The following TLL1 variants were observed in gnomAD, a reference collection of about 807,000 sequenced individuals.
TLL1 encodes the protein tolloid like 1.
TLL1 carries 49 observed loss-of-function variants against 128.2 expected under a neutral mutation model. The ratio of observed to expected loss-of-function variants is 0.38; its 90% CI spans 0.30 to 0.48. The LOEUF (loss-of-function observed/expected upper bound fraction) is 0.48. TLL1 is among the 20% of genes least tolerant of loss of function. TLL1 has a pLI of 0.96. For synonymous variants in TLL1, 454 were observed against 418.8 expected (o/e 1.08, Z -1.03); for missense variants, 1,123 against 1,242.0 (o/e 0.90, Z 1.44).
At chr4:165,972,535 C>T (rs1026157648) in intron 1 of TLL1, among the ~76,000 whole-genome samples, 1 of 152,150 alleles carries the variant, frequency 6.6e-6, no homozygotes, top group Non-Finnish European at 1.5e-5. Context: ...CACATTCTAT[C>T]TTCTGATCAT....
At position 166,008,024 on chromosome 4, in the gene TLL1, A is replaced by C. The variant is rs749618680; in HGVS notation, c.893A>C (p.His298Pro). 1 of 1,609,598 alleles carries C rather than the reference A, an allele frequency of 6.2e-7. No individual in the cohort carries two copies. Among genetic ancestry groups the C allele is most frequent in the Non-Finnish European group, 8.5e-7 (1 of 1,176,704 alleles). Residue 298 changes from histidine (H) to proline (P), a missense_variant, in exon 7 of 21, where the codon CAC becomes CCC. Physicochemically the swap from His to Pro is moderately conservative, Grantham distance 77. Around this residue, in one of 3 missense-constraint regions of TLL1, gnomAD observed 480 missense variants for 542.4 expected, o/e 0.89. Coordinates refer to ENST00000061240, the MANE Select transcript of TLL1 (RefSeq NM_012464.5). ...GERYDFDSIM[H>P]YARNTFSRGM... is the part of the protein sequence containing the mutation. ...AGATATGATTTCGACAGTATCATGC[A>C]CTATGCCAGGAACACCTTCTCAAGG... is the stretch of plus-strand genomic sequence containing the variant.
intron 1 of TLL1, among the ~76,000 whole-genome samples, chr4:165,954,333 G>A (rs1362134222): frequency 6.6e-6 from 1 of 152,092 alleles, no homozygotes; most frequent in East Asian, 1.9e-4. Flanking sequence ...GAATAAGTAG[G>A]TTCTCCAAAA....
intron 1 of TLL1, among the ~76,000 whole-genome samples, chr4:165,943,667 G>A (rs537481816): frequency 1.3e-4 from 19 of 151,224 alleles, no homozygotes; most frequent in Non-Finnish European, 2.4e-4. Flanking sequence ...TTTGGAAAAT[G>A]TGAAGCAAAA....
At chr4:165,972,507 G>T (rs561117069) in intron 1 of TLL1, among the ~76,000 whole-genome samples, 4 of 152,188 alleles carry the variant, frequency 2.6e-5, no homozygotes, top group African/African-American at 9.6e-5. Flanking sequence ...GATGGTAGGT[G>T]GTGGGGTGGG....
At chr4:165,971,837 G>A (rs1398648790) in intron 1 of TLL1, among the ~76,000 whole-genome samples, 2 of 152,102 alleles carry the variant, frequency 1.3e-5, no homozygotes, top group Non-Finnish European at 2.9e-5. Flanking sequence ...CTTTTTGGAG[G>A]GGCTTGCCAC....
At chr4:166,042,798 C>CTAGT (rs1208610567) in intron 11 of TLL1, among the ~76,000 whole-genome samples, 1 of 152,128 alleles carries the variant, frequency 6.6e-6, no homozygotes, top group African/African-American at 2.4e-5. Flanking sequence ...TAAGGATTAA[C>CTAGT]TGCCTAGTAG....
chr4:166,003,513 A>G lies in TLL1; in HGVS notation c.755A>G (p.His252Arg). Residue 252 changes from histidine to arginine, a missense_variant, in exon 6 of 21, where the codon CAC (histidine) becomes CGC (arginine). Physicochemically the swap from His to Arg is conservative, Grantham distance 29 (BLOSUM62 0). Transcript: ENST00000061240. ...LGHVIGFWHE[H>R]TRPDRDNHVT... Reference sequence around the variant, plus strand: ...CATGTGATAGGCTTTTGGCATGAACACACAAGACCAGATCGAGATAACCAC... The same window carrying G: ...CATGTGATAGGCTTTTGGCATGAACGCACAAGACCAGATCGAGATAACCAC... 6.2e-7 allele frequency: 1 copy of G among 1,614,094 alleles called. No individual in the cohort carries two copies. The highest frequency in any genetic ancestry group is 8.5e-7 in the Non-Finnish European group (1 of 1,179,976).
intron 14 of TLL1, 140 bp downstream of exon 14, chr4:166,057,449 T>A (rs1740076728): frequency 1.0e-5 from 13 of 1,287,516 alleles, no homozygotes; most frequent in Non-Finnish European, 1.1e-5. Flanking sequence ...CAATTCACAG[T>A]CACAGCTGAT....
Position 166,065,792 on chromosome 4 carries a change from A to C in TLL1, c.2117A>C (p.Asn706Thr). Residue 706 changes from asparagine to threonine, a missense_variant, in exon 16 of 21, where the codon AAC becomes ACC. Coordinates refer to ENST00000061240, the MANE Select transcript of TLL1 (RefSeq NM_012464.5). The part of the protein sequence containing the change: ...EVPEVITSQF[N>T]NMRIEFKSDN... ...CCTGAAGTGATCACATCCCAGTTCAACAATATGAGAATTGAATTCAAATCT... is the reference window on the plus strand; with the variant it reads ...CCTGAAGTGATCACATCCCAGTTCACCAATATGAGAATTGAATTCAAATCT... 1 of 1,613,086 alleles carries C rather than the reference A, an allele frequency of 6.2e-7. No individual in the cohort carries two copies. The highest frequency in any genetic ancestry group is 8.5e-7 in the Non-Finnish European group (1 of 1,179,336).
intron 1 of TLL1, among the ~76,000 whole-genome samples, chr4:165,926,574 C>A (rs1733279806): frequency 6.6e-6 from 1 of 152,116 alleles, no homozygotes; most frequent in African/African-American, 2.4e-5. Context: ...GTCTTAAGTA[C>A]ATTTTGGGTC....
intron 1 of TLL1, among the ~76,000 whole-genome samples, chr4:165,913,235 T>C (rs934734464): frequency 6.6e-6 from 1 of 152,224 alleles, no homozygotes; most frequent in Non-Finnish European, 1.5e-5. Context: ...CAATGAATCT[T>C]TAATACATGT....
intron 1 of TLL1, among the ~76,000 whole-genome samples, chr4:165,929,225 C>T (rs2110902038): frequency 6.6e-6 from 1 of 152,266 alleles, no homozygotes; most frequent in Non-Finnish European, 1.5e-5. Context: ...TGAAAGTCAG[C>T]TTAGAGAATG....
At chr4:166,064,302 T>C (rs1356716147) in intron 15 of TLL1, among the ~76,000 whole-genome samples, 1 of 152,136 alleles carries the variant, frequency 6.6e-6, no homozygotes, top group Non-Finnish European at 1.5e-5. Context: ...ACTCCCATAG[T>C]TTTCCCTTAA....
chr4:165,904,564 C>T (rs1732161092), intron 1 of TLL1, among the ~76,000 whole-genome samples: 1 of 152,114 alleles, frequency 6.6e-6, no homozygotes, highest in African/African-American at 2.4e-5. Context: ...TTAGATAATT[C>T]TATGATAAAT....
chr4:165,969,895 A>G (rs866394957), intron 1 of TLL1, among the ~76,000 whole-genome samples: 1 of 152,154 alleles, frequency 6.6e-6, no homozygotes, highest in East Asian at 1.9e-4. Context: ...CATATCAAGT[A>G]TATTAGAAGT....
At chr4:165,986,429 T>G (rs1362490249) in intron 1 of TLL1, among the ~76,000 whole-genome samples, 2 of 134,000 alleles carry the variant, frequency 1.5e-5, no homozygotes, top group Non-Finnish European at 3.0e-5. Flanking sequence ...CTAACGTGCC[T>G]TTTTTTTTCT....
At chr4:166,003,232 G>A (rs544556988) in intron 5 of TLL1, among the ~76,000 whole-genome samples, 159 bp from the exon 6 acceptor site, 1 of 152,206 alleles carries the variant, frequency 6.6e-6, no homozygotes, top group African/African-American at 2.4e-5. Context: ...AATTTGAAAG[G>A]ATACCAGAAA....
chr4:165,969,885 C>G (rs1301058276), intron 1 of TLL1, among the ~76,000 whole-genome samples: 1 of 152,060 alleles, frequency 6.6e-6, no homozygotes, highest in African/African-American at 2.4e-5. Context: ...ACATTCTTAT[C>G]ATATCAAGTA....
chr4:166,027,673 C>T (rs1738569010), intron 9 of TLL1, among the ~76,000 whole-genome samples: 1 of 152,100 alleles, frequency 6.6e-6, no homozygotes, highest in Non-Finnish European at 1.5e-5. Flanking sequence ...CTTACTACAA[C>T]ACTGAAAAGT....
Sources: allele counts gnomAD v4.1 joint callset (sites outside exome capture counted in the v4.1 genomes callset), GRCh38; gene constraint gnomAD v4.1.1; regional missense constraint gnomAD v4.1.1; transcripts MANE v1.5; gene names NCBI Gene and HGNC (gene_info 2026-07-23, HGNC 2026-07-21).